Variants in MAPT observed in about 807,000 individuals in gnomAD.
MAPT encodes microtubule associated protein tau.
MAPT carries 34 observed loss-of-function variants against 67.9 expected under a neutral mutation model. The observed-to-expected ratio is 0.50, with a 90% confidence interval of 0.38 to 0.67. The LOEUF is 0.67. MAPT is among the 30% of genes least tolerant of loss of function. The pLI, the probability that MAPT is intolerant of heterozygous loss-of-function variation, is 0.00. For missense variants in MAPT, 881 were observed against 1,115.2 expected, an observed-to-expected ratio of 0.79 and a Z score of 2.99; for synonymous variants, 456 against 464.5, an observed-to-expected ratio of 0.98 and a Z score of 0.23.
intron 1 of MAPT, among the ~76,000 whole-genome samples, chr17:45,952,564 C>T (rs757296262): frequency 9.8e-5 from 15 of 152,288 alleles, no homozygotes; most frequent in Middle Eastern, 3.4e-3. Context: ...GCAGGTGGAT[C>T]GCTTGAGCCC....
chr17:45,905,535 C>A (rs2064245406), intron 1 of MAPT, among the ~76,000 whole-genome samples: 1 of 151,820 alleles, frequency 6.6e-6, no homozygotes, highest in African/African-American at 2.4e-5. Context: ...ACAATCTGGG[C>A]CAAGTTAAAA....
At chr17:46,000,232 C>T (rs2074882149) in intron 9 of MAPT, among the ~76,000 whole-genome samples, 1 of 152,234 alleles carries the variant, frequency 6.6e-6, no homozygotes, top group South Asian at 2.1e-4. Context: ...CCGCAGATTG[C>T]TGCAAATCAT....
At chr17:46,022,331 G>T (rs2146203286) in intron 12 of MAPT, among the ~76,000 whole-genome samples, 1 of 144,776 alleles carries the variant, frequency 6.9e-6, no homozygotes, top group East Asian at 2.3e-4. Context: ...TCCAGCGTGG[G>T]TGACAAGGTG....
intron 1 of MAPT, among the ~76,000 whole-genome samples, chr17:45,951,579 C>A (rs1442845596): frequency 1.3e-5 from 2 of 152,106 alleles, no homozygotes; most frequent in Admixed American, 1.3e-4. Flanking sequence ...TGTCTGCCCC[C>A]ACCCTCCAGA....
chr17:46,027,797 C>T lies in MAPT; in HGVS notation c.*3626C>T, dbSNP rs2076878392. 1 of 152,264 alleles carries T rather than the reference C, an allele frequency of 6.6e-6. No individual in the cohort carries two copies. Among genetic ancestry groups the T allele is most frequent in the African/African-American group, 2.4e-5 (1 of 41,432 alleles). The allele number at this position is 152,264 out of a possible 1,614,324, so 9.4% of individuals were successfully genotyped here. A position where few individuals can be genotyped will look rare whatever the true frequency, so the allele number is the denominator to read the frequency against. The stretch of plus-strand genomic sequence containing the variant: ...ACATCTGGTTGCTTTGGCCTGCTGC[C>T]CTCTTTCAGGGGTCCTAAGCCCACA... On this transcript the variant is annotated 3_prime_UTR_variant, in exon 13 of 13. Coordinates refer to ENST00000262410, the MANE Select transcript of MAPT (RefSeq NM_001377265.1).
chr17:46,009,600 G>GC (rs1163381595), intron 9 of MAPT, among the ~76,000 whole-genome samples: 3 of 152,242 alleles, frequency 2.0e-5, no homozygotes, highest in African/African-American at 4.8e-5. Flanking sequence ...AGAAGGCACA[G>GC]CCCCCCCTTG....
chr17:45,905,595 T>C (rs74573628), intron 1 of MAPT, among the ~76,000 whole-genome samples: 21,843 of 152,236 alleles, frequency 0.14, 2,143 homozygotes, highest in Middle Eastern at 0.22. Context: ...TTGTTACCAG[T>C]AAGACTGAAT....
rs150307801 is a variant in MAPT, at chr17:46,004,577, T to A, written c.1999-5733T>A. ...ATTAAATTTCAGGATTCTGATTTCA[T>A]AATGACAACCATTCCTCTTTTCTCT... On this transcript the variant is annotated intron_variant, in intron 9 of 12. Coordinates refer to ENST00000262410, the MANE Select transcript of MAPT (RefSeq NM_001377265.1). Among the ~76,000 whole-genome samples the A allele has an allele frequency of 1.4e-3, 209 of 152,346 alleles. 2 individuals carry two copies. Among genetic ancestry groups the A allele is most frequent in the Middle Eastern group, 3.4e-3 (1 of 294 alleles).
At chr17:45,952,802 G>A (rs1318635761) in intron 1 of MAPT, among the ~76,000 whole-genome samples, 1 of 152,196 alleles carries the variant, frequency 6.6e-6, no homozygotes, top group Non-Finnish European at 1.5e-5. Context: ...GCTGTTGGAT[G>A]TGAGACCTGG....
chr17:46,013,081 C>A lies in MAPT; in HGVS notation c.2092-1162C>A, dbSNP rs1477833241. Among the ~76,000 whole-genome samples, 3 of 152,190 alleles carry A rather than the reference C, an allele frequency of 2.0e-5. No individual in the cohort carries two copies. In the South Asian group the frequency reaches 6.2e-4, roughly 31 times the overall value. The stretch of plus-strand genomic sequence containing the variant: ...GTTTAGACCTAAGTGGAAGGAGAAA[C>A]CACCACCTGCCCTGCACCTTGTTTT... On this transcript the variant is annotated intron_variant, in intron 10 of 12. Transcript: ENST00000262410.
intron 1 of MAPT, among the ~76,000 whole-genome samples, chr17:45,917,258 C>A (rs2065279112): frequency 6.6e-6 from 1 of 152,224 alleles, no homozygotes; most frequent in African/African-American, 2.4e-5. Context: ...GCAGGGTTCG[C>A]ATCTGCCTGT....
chr17:45,902,210 T>G (rs1352476956), intron 1 of MAPT, among the ~76,000 whole-genome samples: 1 of 152,162 alleles, frequency 6.6e-6, no homozygotes, highest in African/African-American at 2.4e-5. Flanking sequence ...TAGCCGGGAC[T>G]ACAGGTACAC....
chr17:45,894,587 C>G lies in MAPT; in HGVS notation c.-117C>G, dbSNP rs1044225599. On this transcript the variant is annotated 5_prime_UTR_variant, in exon 1 of 13. Transcript: ENST00000262410. ...CGCCACCCACCAGCTCCGGCACCAA[C>G]AGCAGCGCCGCTGCCACCGCCCACC... 7.1e-5 allele frequency: 11 copies of G among 154,830 alleles called. No individual in the cohort carries two copies. The highest frequency in any genetic ancestry group is 2.0e-4 in the South Asian group (1 of 4,962). The allele number at this position is 154,830 out of a possible 1,614,324, so 9.6% of individuals were successfully genotyped here. A position where few individuals can be genotyped will look rare whatever the true frequency, so the allele number is the denominator to read the frequency against.
intron 2 of MAPT, among the ~76,000 whole-genome samples, chr17:45,963,373 C>CGA (rs1555697817): frequency 6.6e-6 from 1 of 152,188 alleles, no homozygotes; most frequent in Non-Finnish European, 1.5e-5. Context: ...GCTGGCCCTT[C>CGA]ACCCACTGCT....
chr17:45,905,898 C>T (rs916529158), intron 1 of MAPT, among the ~76,000 whole-genome samples: 14 of 152,228 alleles, frequency 9.2e-5, no homozygotes, highest in African/African-American at 2.7e-4. Flanking sequence ...TCCCAGGAGC[C>T]GCAGTCAGGT....
rs542350666 is a variant in MAPT, at chr17:45,971,515, T to C, written c.134-344T>C. Among the ~76,000 whole-genome samples, 2 of 152,338 alleles carry C rather than the reference T, an allele frequency of 1.3e-5. No individual in the cohort carries two copies. The highest frequency in any genetic ancestry group is 1.9e-4 in the East Asian group (1 of 5,186). ...AATGACAAAGCAGAAGGTTCATGCG[T>C]AGCTCGGCTTTCTGGTATTTGCTGC... On this transcript the variant is annotated intron_variant, in intron 2 of 12. Coordinates refer to ENST00000262410, the MANE Select transcript of MAPT (RefSeq NM_001377265.1). This position sits in a 1 kb window ranked among gnomAD's most constrained non-coding sequence, Gnocchi z 4.3.
intron 4 of MAPT, chr17:45,980,520 A>AC (rs547116051): frequency 6.6e-6 from 1 of 151,540 alleles, no homozygotes; most frequent in African/African-American, 2.4e-5. Context: ...AAAAAAAAAA[A>AC]AAAGAACATT....
At chr17:45,992,615 G>A (rs977252288) in intron 8 of MAPT, among the ~76,000 whole-genome samples, 10 of 152,146 alleles carry the variant, frequency 6.6e-5, no homozygotes, top group Non-Finnish European at 7.4e-5. Context: ...GCGGCTGGGC[G>A]TGGTGGCTCA....
chr17:45,898,167 G>A (rs1448809426), intron 1 of MAPT: 1 of 152,248 alleles, frequency 6.6e-6, no homozygotes, highest in Non-Finnish European at 1.5e-5. Flanking sequence ...TTCTCTAACA[G>A]ATGTTTATAT....
Sources: gnomAD v4.1 joint callset for allele counts (sites outside exome capture counted in the v4.1 genomes callset) on GRCh38, gnomAD v4.1.1 for gene constraint, Gnocchi (gnomAD v3.1) non-coding constraint, MANE v1.5 for transcripts, NCBI Gene and HGNC (gene_info 2026-07-23, HGNC 2026-07-21) for gene names.